VPS13B: variants seen among roughly 807,000 people sequenced by gnomAD.
VPS13B encodes the protein intermembrane lipid transfer protein VPS13B.
A neutral mutation model predicts 426.4 loss-of-function variants in VPS13B; 285 were observed. That is an observed-to-expected ratio of 0.67 (90% confidence interval 0.61 to 0.74). The LOEUF is 0.74. VPS13B is among the 30% of genes least tolerant of loss of function. VPS13B has a pLI of 0.00. For missense variants in VPS13B, 4,537 were observed against 4,782.6 expected (o/e 0.95, Z 1.51); for synonymous variants, 1,676 against 1,676.4 (o/e 1.00, Z 0.01).
chr8:99,168,736 C>G (rs185146086), intron 15 of VPS13B, among the ~76,000 whole-genome samples: 17 of 152,034 alleles, frequency 1.1e-4, no homozygotes, highest in Admixed American at 2.0e-4. Context: ...AGAAAGATAT[C>G]TTTTTCTCAA....
intron 33 of VPS13B, among the ~76,000 whole-genome samples, chr8:99,614,955 T>C (rs548512129): frequency 6.6e-6 from 1 of 151,762 alleles, no homozygotes; most frequent in Non-Finnish European, 1.5e-5. Context: ...CCGTCTCTAC[T>C]AAAAATACAC....
chr8:99,817,955 TC>T (rs1178000887), intron 45 of VPS13B, 152 bp downstream of exon 45: 4 of 1,186,476 alleles, frequency 3.4e-6, no homozygotes, highest in South Asian at 1.4e-5. Flanking sequence ...AACTGTTTCC[TC>T]CCCATCCCAC....
intron 43 of VPS13B, among the ~76,000 whole-genome samples, chr8:99,799,367 TG>T (rs1309141790): frequency 6.6e-6 from 1 of 152,178 alleles, no homozygotes; most frequent in Non-Finnish European, 1.5e-5. Context: ...GACTTACACT[TG>T]GGGATAAAAT....
At chr8:99,532,919 A>G (rs1823003273) in intron 30 of VPS13B, among the ~76,000 whole-genome samples, 1 of 150,652 alleles carries the variant, frequency 6.6e-6, no homozygotes, top group Non-Finnish European at 1.5e-5. Flanking sequence ...TTTTAAATGC[A>G]TAATCAATTC....
intron 21 of VPS13B, among the ~76,000 whole-genome samples, chr8:99,411,525 C>T (rs532327641): frequency 3.9e-5 from 6 of 152,152 alleles, no homozygotes; most frequent in East Asian, 1.9e-4. Flanking sequence ...CTGTTCACTC[C>T]GATGATAGTT....
At chr8:99,614,899 C>A (rs1002487903) in intron 33 of VPS13B, among the ~76,000 whole-genome samples, 9 of 151,906 alleles carry the variant, frequency 5.9e-5, no homozygotes, top group African/African-American at 2.2e-4. Context: ...AGGTGGGTCA[C>A]CTGAGGTTGG....
chr8:99,431,695 T>A (rs1487132538), intron 22 of VPS13B, 31 bp downstream of exon 22: 1 of 1,595,928 alleles, frequency 6.3e-7, no homozygotes, highest in South Asian at 1.1e-5. Flanking sequence ...ATTATGGATA[T>A]AATTTCTATA....
At chr8:99,106,869 T>C (rs1847076291) in intron 5 of VPS13B, among the ~76,000 whole-genome samples, 1 of 152,220 alleles carries the variant, frequency 6.6e-6, no homozygotes, top group Non-Finnish European at 1.5e-5. Flanking sequence ...ATATGTGGGA[T>C]GGCGAGTTTG....
chr8:99,813,426 GC>G (rs1216560984), intron 44 of VPS13B, among the ~76,000 whole-genome samples: 3 of 152,182 alleles, frequency 2.0e-5, no homozygotes, highest in Admixed American at 6.5e-5. Flanking sequence ...ATATTGCCAG[GC>G]TTGGGCACAT....
At chr8:99,666,362 G>T (rs1830486227) in intron 35 of VPS13B, among the ~76,000 whole-genome samples, 1 of 152,104 alleles carries the variant, frequency 6.6e-6, no homozygotes, top group African/African-American at 2.4e-5. Context: ...CCAAAAGAGA[G>T]AATTTTACAC....
rs535567702 is a variant in VPS13B at position 99,534,342 on chromosome 8, A to G, written c.4745+13332A>G. ...ATGACGATAAGTTCTACCATCATAA[A>G]TTTTTGAAATGTTTTTTAAATGTAT... On this transcript the variant is annotated intron_variant, in intron 30 of 61. Transcript: ENST00000357162. Among the ~76,000 whole-genome samples the G allele has an allele frequency of 3.7e-4, 57 of 152,280 alleles. 2 individuals are homozygous for G. The highest frequency in any genetic ancestry group is 1.9e-3 in the Admixed American group (29 of 15,300).
At chr8:99,021,786 T>C (rs1384776160) in intron 2 of VPS13B, among the ~76,000 whole-genome samples, 1 of 152,168 alleles carries the variant, frequency 6.6e-6, no homozygotes, top group African/African-American at 2.4e-5. Flanking sequence ...ATAATTTTTA[T>C]ACTTTTTGTA....
At chr8:99,582,200 A>C (rs930485828) in intron 33 of VPS13B, among the ~76,000 whole-genome samples, 8 of 152,160 alleles carry the variant, frequency 5.3e-5, no homozygotes, top group African/African-American at 1.9e-4. Context: ...TTATATAATC[A>C]TGGGCATTAG....
chr8:99,699,383 A>T, intron 35 of VPS13B, 142 bp from the exon 36 acceptor site: 1 of 856,224 alleles, frequency 1.2e-6, no homozygotes, highest in Non-Finnish European at 1.8e-6. Flanking sequence ...GTGATGAGTA[A>T]GAGATATATC....
chr8:99,072,950 G>A (rs1343285594), intron 3 of VPS13B, among the ~76,000 whole-genome samples: 2 of 152,106 alleles, frequency 1.3e-5, no homozygotes, highest in Non-Finnish European at 2.9e-5. Flanking sequence ...TGTTTCATTG[G>A]CCTGTATGTC....
intron 3 of VPS13B, among the ~76,000 whole-genome samples, chr8:99,079,371 A>C (rs1480654476): frequency 6.6e-6 from 1 of 152,090 alleles, no homozygotes; most frequent in Non-Finnish European, 1.5e-5. Context: ...CTGTGGTGGC[A>C]GTTTGGGTGG....
At position 99,861,878 on chromosome 8, in the gene VPS13B, G is replaced by A. The variant is rs749073153; in HGVS notation, c.11147G>A (p.Arg3716Gln). 12 of 1,596,494 alleles carry A rather than the reference G, an allele frequency of 7.5e-6. No individual in the cohort carries two copies. Among genetic ancestry groups the A allele is most frequent in the South Asian group, 4.5e-5 (4 of 88,058 alleles). The change falls in exon 58 of 62, where the codon CGG (arginine) becomes CAG (glutamine). Residue 3716 changes from arginine to glutamine, a missense_variant. Around this residue, in one of 2 missense-constraint regions of VPS13B, gnomAD observed 4,311 missense variants for 4,474.3 expected, o/e 0.96. Transcript: ENST00000357162. Reference protein sequence around the residue: ...EHYNRQEEWRRQLPESLGEGL... With the variant: ...EHYNRQEEWRQQLPESLGEGL... ...TACAACCGGCAGGAGGAGTGGCGGC[G>A]GCAGCTCCCCGAGAGCCTGGGCGAG...
At chr8:99,850,847 A>C (rs1003672141) in intron 55 of VPS13B, among the ~76,000 whole-genome samples, 2 of 152,134 alleles carry the variant, frequency 1.3e-5, no homozygotes, top group African/African-American at 4.8e-5. Flanking sequence ...AATCGCTTGA[A>C]CCTGGGAGGC....
chr8:99,740,365 A>G (rs1012775803), intron 39 of VPS13B, among the ~76,000 whole-genome samples: 3 of 152,226 alleles, frequency 2.0e-5, no homozygotes, highest in African/African-American at 7.2e-5. Flanking sequence ...CCTAAAAGTG[A>G]CGGGGAGAAT....
Sources: gnomAD v4.1 joint callset for allele counts (sites outside exome capture counted in the v4.1 genomes callset) on GRCh38, gnomAD v4.1.1 for gene constraint, gnomAD v4.1.1 regional missense constraint, MANE v1.5 for transcripts, NCBI Gene and HGNC (gene_info 2026-07-23, HGNC 2026-07-21) for gene names.